CWF19L2: variants seen among roughly 807,000 people sequenced by gnomAD.
CWF19L2 encodes CWF19-like protein 2.
In CWF19L2, 98 loss-of-function variants were observed where a neutral mutation model predicts 111.7. The observed-to-expected ratio is 0.88, with a 90% confidence interval of 0.75 to 1.04. The LOEUF (loss-of-function observed/expected upper bound fraction) is 1.04. Ranked by LOEUF, CWF19L2 falls within the 50% of genes least tolerant of loss-of-function variation. The probability of loss-of-function intolerance (pLI) is 0.00; values close to 1 mark genes in which losing one functional copy is unlikely to be tolerated. For missense variants in CWF19L2, 1,101 were observed against 1,051.4 expected (o/e 1.05, Z -0.65); for synonymous variants, 351 against 342.9 (o/e 1.02, Z -0.26).
chr11:107,386,525 A>G (rs1301430144), intron 12 of CWF19L2, among the ~76,000 whole-genome samples: 1 of 152,126 alleles, frequency 6.6e-6, no homozygotes, highest in African/African-American at 2.4e-5. Context: ...CTACACTGCC[A>G]AATCCAGTGA....
intron 12 of CWF19L2, among the ~76,000 whole-genome samples, chr11:107,361,055 G>A (rs1002987948): frequency 2.0e-5 from 3 of 152,078 alleles, no homozygotes; most frequent in Non-Finnish European, 4.4e-5. Flanking sequence ...TTTCCCCTAG[G>A]TTTTCTTCTA....
intron 5 of CWF19L2, 80 bp from the exon 6 acceptor site, chr11:107,439,263 C>A (rs1861587267): frequency 3.7e-6 from 3 of 808,612 alleles, no homozygotes; most frequent in South Asian, 3.1e-5. Flanking sequence ...AATCTGAGAC[C>A]CAGTTAATAG....
At chr11:107,352,860 G>GCATT (rs1246807202) in intron 13 of CWF19L2, among the ~76,000 whole-genome samples, 1 of 152,030 alleles carries the variant, frequency 6.6e-6, no homozygotes, top group Admixed American at 6.5e-5. Flanking sequence ...CCTGAAACTA[G>GCATT]CATTCATTCA....
chr11:107,438,962 G>C, intron 6 of CWF19L2, 128 bp downstream of exon 6: 1 of 552,618 alleles, frequency 1.8e-6, no homozygotes, highest in South Asian at 2.4e-5. Flanking sequence ...ATCACTTGAG[G>C]GGGAGGTGGA....
At chr11:107,367,689 AG>A (rs1357560822) in intron 12 of CWF19L2, among the ~76,000 whole-genome samples, 2 of 48,806 alleles carry the variant, frequency 4.1e-5, no homozygotes, top group African/African-American at 1.0e-4. Context: ...GGGTGGGGGG[AG>A]GGGGGAGGGA....
chr11:107,445,196 G>A (rs1318546147), intron 3 of CWF19L2, among the ~76,000 whole-genome samples: 1 of 152,162 alleles, frequency 6.6e-6, no homozygotes, highest in Non-Finnish European at 1.5e-5. Context: ...ACATCTATAT[G>A]TCTTATGAGA....
At chr11:107,439,426 A>T (rs1033862324) in intron 5 of CWF19L2, among the ~76,000 whole-genome samples, 6 of 152,220 alleles carry the variant, frequency 3.9e-5, no homozygotes, top group African/African-American at 1.2e-4. Flanking sequence ...ACTGTCAAAA[A>T]TCCTGGTCAG....
chr11:107,387,357 C>T (rs1055413815), intron 12 of CWF19L2, among the ~76,000 whole-genome samples: 3 of 151,860 alleles, frequency 2.0e-5, no homozygotes, highest in Non-Finnish European at 4.4e-5. Context: ...CCTGCTTCCA[C>T]TAATGCCTCT....
At chr11:107,407,998 A>C (rs1052104587) in intron 10 of CWF19L2, among the ~76,000 whole-genome samples, 1 of 152,004 alleles carries the variant, frequency 6.6e-6, no homozygotes, top group Non-Finnish European at 1.5e-5. Context: ...TAAACAAATA[A>C]GGCTTACAGA....
At chr11:107,378,030 T>A (rs1860620219) in intron 12 of CWF19L2, among the ~76,000 whole-genome samples, 1 of 151,776 alleles carries the variant, frequency 6.6e-6, no homozygotes, top group Non-Finnish European at 1.5e-5. Context: ...TCACCATCAC[T>A]GGCCATCAGA....
chr11:107,395,740 T>C (rs909675495), intron 10 of CWF19L2, among the ~76,000 whole-genome samples: 3 of 152,240 alleles, frequency 2.0e-5, no homozygotes, highest in Admixed American at 6.5e-5. Context: ...AACTAGGAAA[T>C]TGAGAATTTA....
rs766288054 is a variant in CWF19L2 at position 107,368,871 on chromosome 11, T to TGCCA, written c.1873-15136_1873-15135insTGGC. 1.4e-5 allele frequency among the ~76,000 whole-genome samples: 2 copies of TGCCA among 138,058 alleles called. 1 individual carries two copies. The highest frequency in any genetic ancestry group is 3.1e-5 in the Non-Finnish European group (2 of 64,274). 90.6% of individuals were successfully genotyped at this position (138,058 alleles called of 152,430 possible). ...ATAATAATGTATTTTAATTCAAGAA[T>TGCCA]GGTGCTTCAAAATGCCAGGTGCATT... On this transcript the variant is annotated intron_variant, in intron 12 of 17. Transcript: ENST00000282251.
intron 10 of CWF19L2, chr11:107,403,938 GT>G: frequency 1.1e-6 from 1 of 884,022 alleles, no homozygotes; most frequent in Non-Finnish European, 1.9e-6. Flanking sequence ...TGGACCTGTC[GT>G]TTAAGGACCT....
At chr11:107,404,098 T>C in intron 10 of CWF19L2, 9 of 773,756 alleles carry the variant, frequency 1.2e-5, no homozygotes, top group Non-Finnish European at 1.9e-5. Context: ...TGGTTCTCCT[T>C]TCTCCATGTG....
Position 107,329,971 on chromosome 11 carries a change from C to A in CWF19L2, c.2488G>T (p.Gly830Trp). Residue 830 changes from glycine to tryptophan, a missense_variant, in exon 17 of 18, where the codon GGG (glycine) becomes TGG (tryptophan). By Grantham distance (184) the Gly-to-Trp change is radical. Transcript: ENST00000282251. ...YFSVDFGLHG[G>W]FAHVIEDQHK... ...TGATCTTCAATGACATGGGCAAACCCTCCGTGAAGGCCAAAATCCACAGAG... is the reference window on the plus strand; with the variant it reads ...TGATCTTCAATGACATGGGCAAACCATCCGTGAAGGCCAAAATCCACAGAG... 1 of 1,591,534 alleles carries A rather than the reference C, an allele frequency of 6.3e-7. No individual in the cohort carries two copies. Among genetic ancestry groups the A allele is most frequent in the East Asian group, 2.3e-5 (1 of 44,072 alleles).
chr11:107,349,886 T>C (rs528897301), intron 13 of CWF19L2, among the ~76,000 whole-genome samples: 16 of 152,254 alleles, frequency 1.1e-4, no homozygotes, highest in African/African-American at 3.8e-4. Context: ...TTAAGGGTCA[T>C]GGGTATGTCT....
At chr11:107,399,869 T>C (rs1860975769) in intron 10 of CWF19L2, among the ~76,000 whole-genome samples, 1 of 152,164 alleles carries the variant, frequency 6.6e-6, no homozygotes, top group Non-Finnish European at 1.5e-5. Context: ...TCAAGCACTC[T>C]TTCAGACCAC....
At position 107,368,280 on chromosome 11, in the gene CWF19L2, C is replaced by T. The variant is rs978150090; in HGVS notation, c.1873-14544G>A. On this transcript the variant is annotated intron_variant, in intron 12 of 17. Transcript: ENST00000282251. The stretch of plus-strand genomic sequence containing the variant: ...CATTACAACTGATATCACAGAAATA[C>T]AAAAGAGCATCAGAGACTATGATGA... Among the ~76,000 whole-genome samples, 10 of 137,384 alleles carry T rather than the reference C, an allele frequency of 7.3e-5. 3 individuals are homozygous for T. Among genetic ancestry groups the T allele is most frequent in the Admixed American group, 7.1e-4 (10 of 14,070 alleles). The allele number at this position is 137,384 out of a possible 152,430, so 90.1% of individuals were successfully genotyped here. A position where few individuals can be genotyped will look rare whatever the true frequency, so the allele number is the denominator to read the frequency against.
At chr11:107,397,674 C>T (rs1860943961) in intron 10 of CWF19L2, among the ~76,000 whole-genome samples, 1 of 152,122 alleles carries the variant, frequency 6.6e-6, no homozygotes, top group Non-Finnish European at 1.5e-5. Flanking sequence ...ACAGCTGATG[C>T]TCTCTGGAAA....
Sources: gnomAD v4.1 joint callset for allele counts (sites outside exome capture counted in the v4.1 genomes callset) on GRCh38, gnomAD v4.1.1 for gene constraint, MANE v1.5 for transcripts, NCBI Gene and HGNC (gene_info 2026-07-23, HGNC 2026-07-21) for gene names.